DNAI2: variants seen among roughly 807,000 people sequenced by gnomAD.
The protein encoded by DNAI2 is dynein, axonemal, intermediate polypeptide 2.
In DNAI2, 63 loss-of-function variants were observed where a neutral mutation model predicts 74.7. The ratio of observed to expected loss-of-function variants is 0.84; its 90% confidence interval spans 0.69 to 1.04. The LOEUF (loss-of-function observed/expected upper bound fraction) is 1.04. Ranked by LOEUF, DNAI2 falls within the 50% of genes least tolerant of loss-of-function variation. DNAI2 has a pLI of 0.00. For missense variants in DNAI2, 688 were observed against 803.2 expected (o/e 0.86, Z 1.73); for synonymous variants, 289 against 314.9 (o/e 0.92, Z 0.87).
intron 2 of DNAI2, among the ~76,000 whole-genome samples, chr17:74,283,982 A>G (rs931237227): frequency 1.3e-5 from 2 of 152,150 alleles, no homozygotes; most frequent in African/African-American, 4.8e-5. Context: ...TACTAAAAAT[A>G]CAAAAATTAG....
intron 1 of DNAI2, among the ~76,000 whole-genome samples, chr17:74,279,523 C>A (rs1163925520): frequency 6.6e-6 from 1 of 151,994 alleles, no homozygotes; most frequent in South Asian, 2.1e-4. Flanking sequence ...CACAGGCAAA[C>A]CTGCTCACGT....
At chr17:74,296,859 A>G (rs2052474638) in intron 6 of DNAI2, among the ~76,000 whole-genome samples, 1 of 152,170 alleles carries the variant, frequency 6.6e-6, no homozygotes, top group African/African-American at 2.4e-5. Flanking sequence ...AGAGTGTGCG[A>G]TCTTAACTAG....
At chr17:74,275,435 GAGAA>G (rs376354122) in intron 1 of DNAI2, among the ~76,000 whole-genome samples, 16 of 152,266 alleles carry the variant, frequency 1.1e-4, no homozygotes, top group African/African-American at 3.9e-4. Flanking sequence ...ACATAAGAAA[GAGAA>G]AGAAAGCTGG....
At chr17:74,284,708 G>A (rs565686619) in intron 2 of DNAI2, among the ~76,000 whole-genome samples, 8 of 152,302 alleles carry the variant, frequency 5.3e-5, no homozygotes, top group Admixed American at 5.2e-4. Context: ...CACTGCACCC[G>A]GCCAATTATT....
chr17:74,302,054 G>A (rs1037490923), intron 8 of DNAI2, among the ~76,000 whole-genome samples: 1 of 35,676 alleles, frequency 2.8e-5, no homozygotes, highest in Non-Finnish European at 5.7e-5. Flanking sequence ...AAGGAAGGAA[G>A]GAAGGAAGGA....
chr17:74,307,275 G>C (rs76457864), intron 9 of DNAI2: 6 of 456,160 alleles, frequency 1.3e-5, no homozygotes, highest in African/African-American at 1.0e-4. Context: ...CCTTTCGCAG[G>C]GCTGGTTCCT....
At chr17:74,288,989 A>G (rs899735329) in intron 4 of DNAI2, among the ~76,000 whole-genome samples, 3 of 152,166 alleles carry the variant, frequency 2.0e-5, no homozygotes, top group African/African-American at 7.2e-5. Context: ...GCTCTGGGGA[A>G]TTCATTTCAC....
intron 11 of DNAI2, 104 bp from the exon 12 acceptor site, chr17:74,311,899 G>C (rs1490187445): frequency 9.3e-7 from 1 of 1,070,284 alleles, no homozygotes; most frequent in Non-Finnish European, 1.4e-6. Context: ...GGACTGTATG[G>C]AGAGCAAGGA....
At chr17:74,283,195 T>C (rs1022693101) in intron 2 of DNAI2, among the ~76,000 whole-genome samples, 2 of 152,206 alleles carry the variant, frequency 1.3e-5, no homozygotes, top group East Asian at 1.9e-4. Flanking sequence ...TGTAAGAGTT[T>C]TGGAACTAGG....
At chr17:74,314,077 G>C (rs772064890) in intron 12 of DNAI2, 44 bp from the exon 13 acceptor site, 2 of 1,611,152 alleles carry the variant, frequency 1.2e-6, no homozygotes, top group African/African-American at 2.7e-5. Context: ...GGGAAGGCCT[G>C]TCCCCTACCA....
chr17:74,310,391 A>G (rs1211652857), intron 11 of DNAI2, among the ~76,000 whole-genome samples: 3 of 151,452 alleles, frequency 2.0e-5, no homozygotes, highest in African/African-American at 7.3e-5. Context: ...GTCACTCTCC[A>G]GGATTCAGTT....
At chr17:74,292,826 T>C (rs1215099619) in intron 6 of DNAI2, among the ~76,000 whole-genome samples, 1 of 147,114 alleles carries the variant, frequency 6.8e-6, no homozygotes. Context: ...TTGTCCGGTG[T>C]AGTTTTCCTT....
chr17:74,306,564 C>T (rs2053200463), intron 9 of DNAI2, among the ~76,000 whole-genome samples: 1 of 152,216 alleles, frequency 6.6e-6, no homozygotes, highest in African/African-American at 2.4e-5. Flanking sequence ...ATCTTTGGTT[C>T]CAGTGCTTCC....
At chr17:74,289,869 CGAG>C (rs1486582353) in intron 5 of DNAI2, 133 bp downstream of exon 5, 1 of 1,047,940 alleles carries the variant, frequency 9.5e-7, no homozygotes, top group African/African-American at 1.6e-5. Flanking sequence ...GGCCCGCAGT[CGAG>C]GAGGAACACA....
intron 6 of DNAI2, among the ~76,000 whole-genome samples, chr17:74,298,831 C>T (rs943085681): frequency 1.3e-5 from 2 of 152,080 alleles, no homozygotes; most frequent in Non-Finnish European, 2.9e-5. Flanking sequence ...ACTATGTTGC[C>T]CAAGCTGCTC....
intron 1 of DNAI2, among the ~76,000 whole-genome samples, 191 bp downstream of exon 1, chr17:74,274,536 C>A (rs918742559): frequency 6.6e-6 from 1 of 152,166 alleles, no homozygotes; most frequent in Non-Finnish European, 1.5e-5. Context: ...TTAGTCCTCG[C>A]TGCCCTGGAT....
Position 74,301,187 on chromosome 17 carries a change from C to T in DNAI2, c.987+19C>T. Reference sequence around the variant, plus strand: ...TACTTTGGTGAGTGTCCCTTGCTGTCCCTTCCCCGACTTGCATTGACAGGG... The same window carrying T: ...TACTTTGGTGAGTGTCCCTTGCTGTTCCTTCCCCGACTTGCATTGACAGGG... On this transcript the variant is annotated intron_variant, in intron 8 of 13. Transcript: ENST00000311014. 1 of 1,612,992 alleles carries T rather than the reference C, an allele frequency of 6.2e-7. No homozygotes were observed. The highest frequency in any genetic ancestry group is 1.1e-5 in the South Asian group (1 of 91,020).
intron 12 of DNAI2, chr17:74,313,827 C>T: frequency 2.2e-6 from 1 of 446,810 alleles, no homozygotes; most frequent in African/African-American, 2.0e-5. Context: ...CCTGTCCTCT[C>T]TATGGGTGAG....
At position 74,305,425 on chromosome 17, in the gene DNAI2, G is replaced by A. The variant is rs556547267; in HGVS notation, c.1194G>A (p.Ser398=). The A allele has an allele frequency of 9.2e-5, 148 of 1,614,076 alleles. 1 individual carries two copies. The South Asian group carries it at 1.2e-3, about 14-fold the overall frequency. Residue 398 remains serine (S), a synonymous_variant, in exon 9 of 14, where the codon TCG becomes TCA. Transcript: ENST00000311014. ...ARIWSEDSRE[S]SIMWTKYHMA... ...TTTGGTCTGAAGACAGCCGGGAATC[G>A]TCCATCATGTGGACCAAGTAAGAGG...
Sources: allele counts gnomAD v4.1 joint callset (sites outside exome capture counted in the v4.1 genomes callset), GRCh38; gene constraint gnomAD v4.1.1; transcripts MANE v1.5; gene names NCBI Gene and HGNC (gene_info 2026-07-23, HGNC 2026-07-21).